Variants in SH3TC1 observed in about 807,000 individuals in gnomAD.
SH3TC1 encodes SH3 domain and tetratricopeptide repeats 1.
A neutral mutation model predicts 117.3 loss-of-function variants in SH3TC1; 135 were observed. The ratio of observed to expected loss-of-function variants is 1.15; its 90% confidence interval spans 1.00 to 1.33. The LOEUF is 1.33. Among genes scored for constraint, SH3TC1 ranks in the 40% most tolerant of loss-of-function variants. The pLI is 0.00. For missense variants in SH3TC1, 2,092 were observed against 1,794.3 expected, an observed-to-expected ratio of 1.17 and a Z score of -3.00; for synonymous variants, 898 against 816.9, an observed-to-expected ratio of 1.10 and a Z score of -1.69.
At position 8,215,665 on chromosome 4, in the gene SH3TC1, G is replaced by A. The variant is rs79069547; in HGVS notation, c.482-446G>A. Among the ~76,000 whole-genome samples, 734 of 152,272 alleles carry A rather than the reference G, an allele frequency of 4.8e-3. 14 individuals are homozygous for A. The highest frequency in any genetic ancestry group is 0.033 in the East Asian group (172 of 5,172). The stretch of plus-strand genomic sequence containing the variant: ...GAAGGCTCACTGCCCCAGACGAGAG[G>A]GGGGAGCTCGCAGCATCCCAGAGAC... On this transcript the variant is annotated intron_variant, in intron 5 of 17. Transcript: ENST00000245105.
intron 17 of SH3TC1, among the ~76,000 whole-genome samples, chr4:8,239,188 C>T (rs1722089982): frequency 1.3e-5 from 2 of 152,110 alleles, no homozygotes. Context: ...GCCTGCCACC[C>T]ACTAGCTGCT....
At position 8,231,968 on chromosome 4, in the gene SH3TC1, C is replaced by A; in HGVS notation, c.2951-8C>A. The A allele has an allele frequency of 6.2e-7, 1 of 1,609,720 alleles. No individual in the cohort carries two copies. The highest frequency in any genetic ancestry group is 8.5e-7 in the Non-Finnish European group (1 of 1,179,708). ...AGGCTGACGTCTTCCTTTTTGTCTTCTGCCCAGGCCAGCTGCGGGCCGTCC... is the reference window on the plus strand; with the variant it reads ...AGGCTGACGTCTTCCTTTTTGTCTTATGCCCAGGCCAGCTGCGGGCCGTCC... On this transcript the variant is annotated splice_region_variant and splice_polypyrimidine_tract_variant and intron_variant, in intron 12 of 17. Transcript: ENST00000245105.
intron 14 of SH3TC1, among the ~76,000 whole-genome samples, chr4:8,235,108 G>A (rs184233489): frequency 1.6e-4 from 25 of 152,370 alleles, no homozygotes; most frequent in Admixed American, 9.8e-4. Context: ...TCAGAAAGGA[G>A]CCAGGGGATG....
chr4:8,191,375 C>A (rs1327131605), intron 1 of SH3TC1, among the ~76,000 whole-genome samples: 1 of 152,238 alleles, frequency 6.6e-6, no homozygotes, highest in Non-Finnish European at 1.5e-5. Context: ...GGCCTCCGAC[C>A]CGGCGGCCCA....
In SH3TC1 at chr4:8,190,115, A is replaced by G. The variant is rs565440206; in HGVS notation, c.-57+7905A>G. Among the ~76,000 whole-genome samples, 432 of 152,350 alleles carry G rather than the reference A, an allele frequency of 2.8e-3. 3 individuals are homozygous for G. The highest frequency in any genetic ancestry group is 0.01 in the African/African-American group (419 of 41,586). On this transcript the variant is annotated intron_variant, in intron 1 of 16. Coordinates refer to the SH3TC1 transcript ENST00000508641. This position sits in a 1 kb window ranked among gnomAD's most constrained non-coding sequence, Gnocchi z 4.7. ...GCTGGGAGGCGGCAGCACTGGCCGC[A>G]GGTGCCTGCGATCACCAGTGTGCTC...
chr4:8,226,216 G>A (rs990188663), intron 11 of SH3TC1, among the ~76,000 whole-genome samples: 2 of 152,202 alleles, frequency 1.3e-5, no homozygotes, highest in African/African-American at 4.8e-5. Flanking sequence ...AAATGCGCTT[G>A]TTTGCTCACC....
chr4:8,194,732 A>G (rs1356898742), upstream of SH3TC1, among the ~76,000 whole-genome samples: 2 of 152,230 alleles, frequency 1.3e-5, no homozygotes, highest in Non-Finnish European at 2.9e-5. Flanking sequence ...AAAGGGACAG[A>G]GGACGGTCGT....
intron 1 of SH3TC1, among the ~76,000 whole-genome samples, chr4:8,187,755 T>C (rs916829755): frequency 5.9e-5 from 9 of 152,116 alleles, no homozygotes; most frequent in African/African-American, 2.2e-4. Flanking sequence ...TTTCACCATA[T>C]TGGCCAGGCT....
chr4:8,221,062 A>C (rs1055479558), intron 9 of SH3TC1, among the ~76,000 whole-genome samples: 1 of 152,192 alleles, frequency 6.6e-6, no homozygotes, highest in Non-Finnish European at 1.5e-5. Flanking sequence ...TGCCTTTTCC[A>C]CACTTACTTA....
chr4:8,233,606 T>C (rs1721459950), intron 14 of SH3TC1, 93 bp downstream of exon 14: 1 of 1,408,604 alleles, frequency 7.1e-7, no homozygotes, highest in African/African-American at 1.5e-5. Context: ...GATCCTTCCA[T>C]CATCTATCCA....
At chr4:8,236,096 A>G in intron 15 of SH3TC1, 182 bp from the exon 16 acceptor site, 1 of 727,702 alleles carries the variant, frequency 1.4e-6, no homozygotes, top group Non-Finnish European at 2.1e-6. Flanking sequence ...GATGGGCCTC[A>G]GGTGACTCTT....
At position 8,227,942 on chromosome 4, in the gene SH3TC1, C is replaced by G; in HGVS notation, c.2248C>G (p.Leu750Val). Residue 750 changes from leucine to valine, a missense_variant, in exon 12 of 18, where the codon CTG (leucine) becomes GTG (valine). Physicochemically the swap from Leu to Val is conservative, Grantham distance 32 (BLOSUM62 1). Transcript: ENST00000245105. ...SLAGSLRSVN[L>V]VLQNAPQPHS... ...GGCCGGCTCGCTGAGGAGTGTGAAC[C>G]TGGTGCTCCAGAACGCCCCCCAGCC... 2 of 1,612,664 alleles carry G rather than the reference C, an allele frequency of 1.2e-6. No homozygotes were observed. Among genetic ancestry groups the G allele is most frequent in the South Asian group, 1.1e-5 (1 of 91,086 alleles).
rs757000530 is a variant in SH3TC1 at position 8,232,185 on chromosome 4, CGGGGGGAG to C, written c.3131+34_3131+41del. The C allele has an allele frequency of 1.9e-5, 6 of 312,650 alleles. No individual in the cohort carries two copies. In the East Asian group the frequency reaches 2.0e-4, roughly 10 times the overall value. 19.4% of individuals were successfully genotyped at this position (312,650 alleles called of 1,614,324 possible). A position where few individuals can be genotyped will look rare whatever the true frequency, so the allele number is the denominator to read the frequency against. The stretch of plus-strand genomic sequence containing the variant: ...AGGGCTGGCTCTGTGGTGGTGGGGG[CGGGGGGAG>C]GGGGCAAAGGGGGCGGCGGGGCGGG... On this transcript the variant is annotated intron_variant, in intron 13 of 17. Coordinates refer to ENST00000245105, the MANE Select transcript of SH3TC1 (RefSeq NM_018986.5).
rs1294735808 is a variant in SH3TC1, at chr4:8,190,500, G to A, written c.-57+8290G>A. Among the ~76,000 whole-genome samples, 5 of 152,124 alleles carry A rather than the reference G, an allele frequency of 3.3e-5. No homozygotes were observed. The highest frequency in any genetic ancestry group is 4.8e-5 in the African/African-American group (2 of 41,410). ...CTGTAAGCTGGGATCTGATGTCCCC[G>A]GGCTCTTGGGAGAATGGCAGCCTTG... On this transcript the variant is annotated intron_variant, in intron 1 of 16. Transcript: ENST00000508641. The surrounding 1 kb of genome is among the most constrained non-coding windows in gnomAD (Gnocchi z 4.7).
intron 9 of SH3TC1, among the ~76,000 whole-genome samples, chr4:8,220,632 T>C (rs1426442746): frequency 6.6e-6 from 1 of 152,206 alleles, no homozygotes; most frequent in Non-Finnish European, 1.5e-5. Context: ...CCAGAGAATG[T>C]GGGTGCATGG....
At position 8,192,104 on chromosome 4, in the gene SH3TC1, C is replaced by G. The variant is rs551284412; in HGVS notation, c.-57+9894C>G. 8.4e-4 allele frequency among the ~76,000 whole-genome samples: 127 copies of G among 152,072 alleles called. No individual in the cohort carries two copies. Among genetic ancestry groups the G allele is most frequent in the African/African-American group, 2.9e-3 (122 of 41,466 alleles). On this transcript the variant is annotated intron_variant, in intron 1 of 16. Coordinates refer to the SH3TC1 transcript ENST00000508641. The surrounding 1 kb of genome is among the most constrained non-coding windows in gnomAD (Gnocchi z 4.1). ...TCCCAGGTTCAAGTGATTCTCTCAC[C>G]TCTGCCTCCCAAGTAGCTAAGATTA...
intron 11 of SH3TC1, among the ~76,000 whole-genome samples, chr4:8,226,192 G>C (rs991132818): frequency 4.6e-5 from 7 of 152,192 alleles, no homozygotes; most frequent in Non-Finnish European, 8.8e-5. Context: ...TTTCGTCCCA[G>C]GTTTTCCAAC....
intron 1 of SH3TC1, chr4:8,201,509 G>C (rs1235825809): frequency 1.3e-5 from 2 of 152,446 alleles, no homozygotes; most frequent in Middle Eastern, 3.1e-3. Context: ...AGGCAGGAAG[G>C]AGAGAGTCCT....
chr4:8,195,644 G>A (rs1717538332), upstream of SH3TC1, among the ~76,000 whole-genome samples: 1 of 152,230 alleles, frequency 6.6e-6, no homozygotes, highest in Admixed American at 6.5e-5. Context: ...GTGTGTGGAT[G>A]TGGAGCCCGT....
Sources: allele counts gnomAD v4.1 joint callset (sites outside exome capture counted in the v4.1 genomes callset), GRCh38; gene constraint gnomAD v4.1.1; non-coding constraint Gnocchi (gnomAD v3.1); transcripts MANE v1.5; gene names NCBI Gene and HGNC (gene_info 2026-07-23, HGNC 2026-07-21).